LCLAT1: variants seen among roughly 807,000 people sequenced by gnomAD.
LCLAT1 encodes the protein 1-AGP acyltransferase 8.
A neutral mutation model predicts 30.7 loss-of-function variants in LCLAT1; 11 were observed. That is an observed-to-expected ratio of 0.36 (90% CI 0.23 to 0.59). The LOEUF (loss-of-function observed/expected upper bound fraction) is 0.59. Ranked by LOEUF, LCLAT1 falls within the 20% of genes least tolerant of loss-of-function variation. The pLI is 0.77. For missense variants in LCLAT1, 402 were observed against 458.6 expected (o/e 0.88, Z 1.13); for synonymous variants, 155 against 151.3 (o/e 1.02, Z -0.18).
At chr2:30,549,808 T>A (rs1467676888) in intron 3 of LCLAT1, among the ~76,000 whole-genome samples, 1 of 152,232 alleles carries the variant, frequency 6.6e-6, no homozygotes, top group African/African-American at 2.4e-5. Context: ...ATATGTCATT[T>A]AAAAAATATG....
intron 3 of LCLAT1, among the ~76,000 whole-genome samples, chr2:30,554,355 C>A (rs1231866958): frequency 6.6e-6 from 1 of 152,128 alleles, no homozygotes; most frequent in African/African-American, 2.4e-5. Context: ...AAAATCTAAT[C>A]TCTGACAAAT....
intron 2 of LCLAT1, among the ~76,000 whole-genome samples, chr2:30,528,239 C>T (rs1410485735): frequency 6.6e-6 from 1 of 152,156 alleles, no homozygotes; most frequent in South Asian, 2.1e-4. Flanking sequence ...TCTGGGCAGC[C>T]ATGTGCACAG....
In LCLAT1 at chr2:30,605,895, C is replaced by G. The variant is rs1667416236; in HGVS notation, c.629-34222C>G. On this transcript the variant is annotated intron_variant, in intron 5 of 5. Transcript: ENST00000379509. ...ATGAAACTGTTCCACCTCAGATCAT[C>G]AGGCATTAGTTAGATTCTCATAAGG... 1.2e-5 allele frequency: 6 copies of G among 497,550 alleles called. No individual in the cohort carries two copies. The South Asian group carries it at 1.6e-4, about 13-fold the overall frequency. 30.8% of individuals were successfully genotyped at this position (497,550 alleles called of 1,614,324 possible). A position where few individuals can be genotyped will look rare whatever the true frequency, so the allele number is the denominator to read the frequency against.
rs914266228 is a variant in LCLAT1, at chr2:30,643,836, CTT to C, written c.*3221_*3222del. 3 of 152,612 alleles carry C rather than the reference CTT, an allele frequency of 2.0e-5. No homozygotes were observed. The highest frequency in any genetic ancestry group is 2.9e-5 in the Non-Finnish European group (2 of 68,036). 9.5% of individuals were successfully genotyped at this position (152,612 alleles called of 1,614,324 possible). A position where few individuals can be genotyped will look rare whatever the true frequency, so the allele number is the denominator to read the frequency against. On this transcript the variant is annotated 3_prime_UTR_variant, in exon 6 of 6. Transcript: ENST00000379509. ...GTAGTGTGTTTCTTAGGTAAAGTCTCTTTTTGCTACTGAAAGGGAAATGGTCT... is the reference window on the plus strand; with the variant it reads ...GTAGTGTGTTTCTTAGGTAAAGTCTCTTTGCTACTGAAAGGGAAATGGTCT...
chr2:30,641,830 GTCT>G lies in LCLAT1; in HGVS notation c.*1218_*1220del, dbSNP rs3841597. The G allele has an allele frequency of 2.0e-5, 3 of 151,540 alleles. No homozygotes were observed. The highest frequency in any genetic ancestry group is 4.4e-5 in the Non-Finnish European group (3 of 67,890). 9.4% of individuals were successfully genotyped at this position (151,540 alleles called of 1,614,324 possible). On this transcript the variant is annotated 3_prime_UTR_variant, in exon 6 of 6. Transcript: ENST00000379509. ...GGAAAATCCAGCACACCAAGCACCA[GTCT>G]TCTTCTGAGGCAAAAGAAAAGTGTT...
At position 30,571,538 on chromosome 2, in the gene LCLAT1, G is replaced by C. The variant is rs528413063; in HGVS notation, c.628+3362G>C. On this transcript the variant is annotated intron_variant, in intron 5 of 5. Coordinates refer to ENST00000379509, the MANE Select transcript of LCLAT1 (RefSeq NM_001002257.3). Reference sequence around the variant, plus strand: ...TAGCTAACAGTCCAGTCTGTCTACTGCCTACAGTGGAGGACTAAAGGTGAC... The same window carrying C: ...TAGCTAACAGTCCAGTCTGTCTACTCCCTACAGTGGAGGACTAAAGGTGAC... Among the ~76,000 whole-genome samples, 3 of 152,300 alleles carry C rather than the reference G, an allele frequency of 2.0e-5. No homozygotes were observed. The East Asian group carries it at 5.8e-4, about 29-fold the overall frequency.
intron 1 of LCLAT1, among the ~76,000 whole-genome samples, chr2:30,520,793 T>TA (rs1447022955): frequency 6.6e-6 from 1 of 152,242 alleles, no homozygotes; most frequent in African/African-American, 2.4e-5. Flanking sequence ...CATAATTTTT[T>TA]AAAAATTTAT....
intron 2 of LCLAT1, among the ~76,000 whole-genome samples, chr2:30,529,957 A>C (rs916649938): frequency 6.6e-6 from 1 of 152,210 alleles, no homozygotes; most frequent in Non-Finnish European, 1.5e-5. Context: ...GAGTGAGAGC[A>C]GCGGGCATGA....
chr2:30,550,265 C>G (rs1409377767), intron 3 of LCLAT1, among the ~76,000 whole-genome samples: 1 of 152,158 alleles, frequency 6.6e-6, no homozygotes, highest in East Asian at 1.9e-4. Flanking sequence ...ATGTTAACAT[C>G]TTATATGGTA....
intron 4 of LCLAT1, among the ~76,000 whole-genome samples, chr2:30,563,153 T>C (rs988624846): frequency 3.9e-5 from 6 of 151,998 alleles, no homozygotes; most frequent in African/African-American, 1.5e-4. Flanking sequence ...AAGCTTATAG[T>C]GTCTGGGACT....
At chr2:30,626,279 T>C (rs995390389) in intron 5 of LCLAT1, among the ~76,000 whole-genome samples, 1 of 152,224 alleles carries the variant, frequency 6.6e-6, no homozygotes, top group African/African-American at 2.4e-5. Context: ...GTAAACAAAT[T>C]TGTTGGGCCC....
intron 4 of LCLAT1, 117 bp downstream of exon 4, chr2:30,562,409 C>A: frequency 1.3e-6 from 1 of 761,050 alleles, no homozygotes; most frequent in Non-Finnish European, 2.0e-6. Context: ...GGTGGTCCAT[C>A]CCTGGAATCC....
chr2:30,477,905 G>T (rs1215869761), intron 1 of LCLAT1, among the ~76,000 whole-genome samples: 1 of 151,950 alleles, frequency 6.6e-6, no homozygotes, highest in African/African-American at 2.4e-5. Context: ...GAAATTTTAC[G>T]ATTTTCCTTC....
At chr2:30,512,042 C>T (rs1684963574) in intron 1 of LCLAT1, among the ~76,000 whole-genome samples, 1 of 152,214 alleles carries the variant, frequency 6.6e-6, no homozygotes, top group South Asian at 2.1e-4. Flanking sequence ...ATTTGGCTTT[C>T]TGCTTTCCAG....
At chr2:30,518,642 T>C (rs944377703) in intron 1 of LCLAT1, among the ~76,000 whole-genome samples, 1 of 152,298 alleles carries the variant, frequency 6.6e-6, no homozygotes, top group East Asian at 1.9e-4. Context: ...GGATTATCAA[T>C]GAGGCCGTTG....
At chr2:30,459,330 G>A (rs543867324) in intron 1 of LCLAT1, among the ~76,000 whole-genome samples, 3 of 152,176 alleles carry the variant, frequency 2.0e-5, no homozygotes, top group South Asian at 2.1e-4. Context: ...ACTTTGTAGA[G>A]GTGGCATGCA....
chr2:30,630,150 C>T (rs1668702826), intron 5 of LCLAT1, among the ~76,000 whole-genome samples: 2 of 152,146 alleles, frequency 1.3e-5, no homozygotes, highest in African/African-American at 4.8e-5. Context: ...TCACTGTGTC[C>T]TCACGTGATA....
intron 1 of LCLAT1, among the ~76,000 whole-genome samples, chr2:30,512,411 C>T (rs796547022): frequency 3.9e-5 from 6 of 152,214 alleles, no homozygotes; most frequent in African/African-American, 1.4e-4. Flanking sequence ...CTTTTGTCTG[C>T]CTCAAGAGAC....
intron 5 of LCLAT1, among the ~76,000 whole-genome samples, chr2:30,605,407 C>T (rs936055193): frequency 6.6e-6 from 1 of 152,156 alleles, no homozygotes; most frequent in South Asian, 2.1e-4. Context: ...CTTTAATTCC[C>T]TTTGTAGAAT....
Sources: gnomAD v4.1 joint callset for allele counts (sites outside exome capture counted in the v4.1 genomes callset) on GRCh38, gnomAD v4.1.1 for gene constraint, MANE v1.5 for transcripts, NCBI Gene and HGNC (gene_info 2026-07-23, HGNC 2026-07-21) for gene names.